Variants in CHRDL1 observed in about 807,000 individuals in gnomAD.
The protein encoded by CHRDL1 is chordin like 1.
In CHRDL1, 19 loss-of-function variants were observed where a neutral mutation model predicts 40.9. The observed-to-expected ratio is 0.46, with a 90% CI of 0.32 to 0.68. CHRDL1 has a LOEUF of 0.68. Ranked by LOEUF, CHRDL1 falls within the 30% of genes least tolerant of loss-of-function variation. CHRDL1 has a pLI of 0.03. For missense variants in CHRDL1, 329 were observed against 352.1 expected (o/e 0.93, Z 0.53); for synonymous variants, 136 against 123.4 (o/e 1.10, Z -0.68).
intron 4 of CHRDL1, among the ~76,000 whole-genome samples, chrX:110,747,759 G>T (rs2089284668): frequency 8.9e-6 from 1 of 112,297 alleles, no homozygotes; most frequent in Non-Finnish European, 1.9e-5. Context: ...CCCAATGGAG[G>T]TCAACTCACC....
In CHRDL1 at chrX:110,721,506, T is replaced by C. The variant is rs759896346; in HGVS notation, c.326A>G (p.Asn109Ser). 1.5e-5 allele frequency: 18 copies of C among 1,207,178 alleles called. No individual in the cohort carries two copies. Among genetic ancestry groups the C allele is most frequent in the Non-Finnish European group, 2.0e-5 (18 of 892,452 alleles). Residue 109 changes from asparagine (N) to serine (S), a missense_variant, in exon 5 of 12, where the codon AAT becomes AGT. Asn to Ser is a conservative substitution (Grantham distance 46, BLOSUM62 1). Coordinates refer to ENST00000372042, the MANE Select transcript of CHRDL1 (RefSeq NM_001143981.2). ...CTCGCAAGACTTGCTGGTCACCTTA[T>C]TGTTCACTGGGGGTAAGGAGTCTTC... ...CPEDSLPPVNNKVTSKSCEYN... is the reference protein window; with the variant it reads ...CPEDSLPPVNSKVTSKSCEYN...
intron 5 of CHRDL1, among the ~76,000 whole-genome samples, chrX:110,720,377 A>T (rs1390600296): frequency 8.9e-6 from 1 of 112,089 alleles, no homozygotes; most frequent in African/African-American, 3.2e-5. Context: ...GGGGTAATAC[A>T]AAACTATACA....
rs2069760854 is a variant in CHRDL1 at position 110,675,712 on chromosome X, T to C, written c.*519A>G. On this transcript the variant is annotated 3_prime_UTR_variant, in exon 12 of 12. Coordinates refer to ENST00000372042, the MANE Select transcript of CHRDL1 (RefSeq NM_001143981.2). ...GTGTGTGTGTGTGTGTGTGTGTGTC[T>C]GTGAGAGAGGGAGGGAGAGAGAGAG... is the stretch of plus-strand genomic sequence containing the variant. 1.3e-5 allele frequency: 1 copy of C among 74,966 alleles called. No homozygotes were observed. The highest frequency in any genetic ancestry group is 2.5e-5 in the Non-Finnish European group (1 of 40,245). 6.2% of individuals were successfully genotyped at this position (74,966 alleles called of 1,213,427 possible). A position where few individuals can be genotyped will look rare whatever the true frequency, so the allele number is the denominator to read the frequency against.
At chrX:110,715,375 T>A (rs1433405112) in intron 6 of CHRDL1, among the ~76,000 whole-genome samples, 1 of 111,107 alleles carries the variant, frequency 9.0e-6, no homozygotes, top group Admixed American at 9.6e-5. Context: ...TCGGGGGTAA[T>A]AAATATAGTA....
intron 4 of CHRDL1, among the ~76,000 whole-genome samples, chrX:110,737,690 G>A (rs910093684): frequency 8.9e-6 from 1 of 111,822 alleles, no homozygotes; most frequent in Non-Finnish European, 1.9e-5. Context: ...GTTCCATATG[G>A]CCTGAGTCCA....
At chrX:110,723,148 G>A (rs1193423864) in intron 4 of CHRDL1, among the ~76,000 whole-genome samples, 4 of 110,951 alleles carry the variant, frequency 3.6e-5, no homozygotes, top group Non-Finnish European at 7.5e-5. Flanking sequence ...CTAATCGGGA[G>A]GCTGAGGCAG....
At chrX:110,686,897 A>AAC (rs1313792987) in intron 9 of CHRDL1, among the ~76,000 whole-genome samples, 18 of 101,628 alleles carry the variant, frequency 1.8e-4, no homozygotes, top group Non-Finnish European at 2.6e-4. Context: ...AAAACAAAAA[A>AAC]TAAAAAAAAA....
At chrX:110,794,354 T>C (rs1400874942) in intron 1 of CHRDL1, among the ~76,000 whole-genome samples, 1 of 112,011 alleles carries the variant, frequency 8.9e-6, no homozygotes. Context: ...TGTTGTGCCA[T>C]TGAACTTGCA....
At chrX:110,690,146 C>T (rs1217588335) in intron 8 of CHRDL1, among the ~76,000 whole-genome samples, 2 of 100,626 alleles carry the variant, frequency 2.0e-5, no homozygotes, top group Non-Finnish European at 4.0e-5. Context: ...CCCAAGTTCA[C>T]GCCATTCTCC....
chrX:110,713,814 C>T (rs1433590886), intron 6 of CHRDL1, among the ~76,000 whole-genome samples: 3 of 112,267 alleles, frequency 2.7e-5, no homozygotes, highest in Admixed American at 9.4e-5. Flanking sequence ...GTACGTGCTA[C>T]ATTTAGACAC....
intron 7 of CHRDL1, among the ~76,000 whole-genome samples, chrX:110,700,029 A>G (rs1323844611): frequency 8.9e-6 from 1 of 112,425 alleles, no homozygotes; most frequent in Non-Finnish European, 1.9e-5. Context: ...TCTTAGACAT[A>G]TATTTTTAGA....
At chrX:110,777,648 C>T (rs748382743) in intron 2 of CHRDL1, among the ~76,000 whole-genome samples, 31 of 111,448 alleles carry the variant, frequency 2.8e-4, no homozygotes, top group Admixed American at 1.4e-3. Context: ...CATCTGTATA[C>T]ATTCTTGGGT....
chrX:110,701,005 C>T (rs1237805656), intron 6 of CHRDL1, among the ~76,000 whole-genome samples: 1 of 112,132 alleles, frequency 8.9e-6, no homozygotes, highest in Non-Finnish European at 1.9e-5. Flanking sequence ...CCTAATTTAA[C>T]CATCACTGTC....
intron 4 of CHRDL1, among the ~76,000 whole-genome samples, chrX:110,732,968 C>A (rs988399530): frequency 8.9e-6 from 1 of 111,816 alleles, no homozygotes; most frequent in African/African-American, 3.3e-5. Context: ...TTATAAAGAA[C>A]AAAAATGATT....
intron 7 of CHRDL1, among the ~76,000 whole-genome samples, chrX:110,695,886 G>C (rs2070377042): frequency 8.9e-6 from 1 of 112,231 alleles, no homozygotes; most frequent in Admixed American, 9.4e-5. Context: ...TTCTATCTAA[G>C]AAGAGCCTAT....
intron 2 of CHRDL1, among the ~76,000 whole-genome samples, chrX:110,774,863 T>C (rs2089824829): frequency 8.9e-6 from 1 of 111,859 alleles, no homozygotes; most frequent in South Asian, 3.7e-4. Flanking sequence ...GAAAGCATTG[T>C]TCCCAAAATA....
intron 6 of CHRDL1, among the ~76,000 whole-genome samples, chrX:110,704,044 A>T (rs193038918): frequency 9.0e-6 from 1 of 111,692 alleles, no homozygotes; most frequent in Admixed American, 9.6e-5. Flanking sequence ...GGTAGTAAAT[A>T]ATGTGCTACT....
At chrX:110,783,710 C>G (rs1195030660) in intron 2 of CHRDL1, among the ~76,000 whole-genome samples, 6 of 111,656 alleles carry the variant, frequency 5.4e-5, no homozygotes, top group Admixed American at 9.5e-5. Flanking sequence ...TCAAATGTAT[C>G]AGCTTGCCCT....
At chrX:110,725,188 G>A (rs1182434165) in intron 4 of CHRDL1, among the ~76,000 whole-genome samples, 1 of 112,005 alleles carries the variant, frequency 8.9e-6, no homozygotes, top group Non-Finnish European at 1.9e-5. Context: ...TTGGGAAAGA[G>A]GAGGTTTCTT....
Sources: allele counts gnomAD v4.1 joint callset (sites outside exome capture counted in the v4.1 genomes callset), GRCh38; gene constraint gnomAD v4.1.1; transcripts MANE v1.5; gene names NCBI Gene and HGNC (gene_info 2026-07-23, HGNC 2026-07-21).